The following DCDC2C variants were observed in gnomAD, a reference collection of about 807,000 sequenced individuals.
DCDC2C encodes the protein doublecortin domain containing 2C.
A neutral mutation model predicts 45.0 loss-of-function variants in DCDC2C; 44 were observed. The ratio of observed to expected loss-of-function variants is 0.98; its 90% CI spans 0.77 to 1.26. The LOEUF is 1.26. DCDC2C is among the 50% of genes most tolerant of loss of function. The pLI is 0.00. For missense variants in DCDC2C, 447 were observed against 468.9 expected (o/e 0.95, Z 0.43); for synonymous variants, 187 against 178.8 (o/e 1.05, Z -0.37).
intron 10 of DCDC2C, among the ~76,000 whole-genome samples, chr2:3,829,542 G>A (rs770259655): frequency 5.3e-5 from 8 of 152,192 alleles, no homozygotes; most frequent in Admixed American, 2.0e-4. Flanking sequence ...CATCCTGGTC[G>A]TGCTGCGCGG....
rs1558249632 is a variant in DCDC2C at position 3,837,622 on chromosome 2, A to ACACAGTATCAAGAG, written c.1066-9532_1066-9531insCACAGTATCAAGAG. Among the ~76,000 whole-genome samples the ACACAGTATCAAGAG allele has an allele frequency of 3.2e-5, 4 of 124,482 alleles. 2 individuals carry two copies. Among genetic ancestry groups the ACACAGTATCAAGAG allele is most frequent in the Non-Finnish European group, 7.4e-5 (4 of 53,998 alleles). 81.7% of individuals were successfully genotyped at this position (124,482 alleles called of 152,430 possible). A position where few individuals can be genotyped will look rare whatever the true frequency, so the allele number is the denominator to read the frequency against. ...TCATCTAAAGGGGAAGAAACTGAGG[A>ACACAGTATCAAGAG]AGAAATCAGCCTTTGGCTCCCCCTT... On this transcript the variant is annotated intron_variant, in intron 10 of 10. Coordinates refer to ENST00000399143, the MANE Select transcript of DCDC2C (RefSeq NM_001287444.2).
intron 8 of DCDC2C, among the ~76,000 whole-genome samples, chr2:3,772,178 G>A (rs963204291): frequency 2.6e-5 from 4 of 152,192 alleles, no homozygotes; most frequent in African/African-American, 9.7e-5. Context: ...CCTCATGAAT[G>A]CAGAGTCCTC....
At chr2:3,763,381 C>T (rs1324116854) in intron 6 of DCDC2C, among the ~76,000 whole-genome samples, 1 of 152,166 alleles carries the variant, frequency 6.6e-6, no homozygotes, top group Non-Finnish European at 1.5e-5. Flanking sequence ...TGTCACCCAG[C>T]TCAGGAGATC....
intron 3 of DCDC2C, among the ~76,000 whole-genome samples, chr2:3,730,802 T>C (rs747733478): frequency 6.6e-5 from 10 of 152,220 alleles, no homozygotes; most frequent in Non-Finnish European, 1.3e-4. Context: ...ATTCTGCATT[T>C]ATGAGAAAGT....
chr2:3,799,865 G>A (rs1671066042), intron 10 of DCDC2C, among the ~76,000 whole-genome samples: 1 of 152,262 alleles, frequency 6.6e-6, no homozygotes, highest in Non-Finnish European at 1.5e-5. Flanking sequence ...GCAGAGGCAG[G>A]CAGGCCTCCT....
intron 2 of DCDC2C, among the ~76,000 whole-genome samples, chr2:3,725,696 C>CGGAGGG (rs1668645095): frequency 6.7e-6 from 1 of 149,224 alleles, no homozygotes; most frequent in Non-Finnish European, 1.5e-5. Flanking sequence ...AGGTGGATCC[C>CGGAGGG]AGAGGGAGAT....
At chr2:3,756,140 A>G (rs1669709207) in intron 6 of DCDC2C, among the ~76,000 whole-genome samples, 1 of 152,058 alleles carries the variant, frequency 6.6e-6, no homozygotes, top group Non-Finnish European at 1.5e-5. Context: ...ATGAGGAATA[A>G]TGACAAGGAG....
chr2:3,825,347 C>T (rs188076960), intron 10 of DCDC2C, among the ~76,000 whole-genome samples: 11 of 152,308 alleles, frequency 7.2e-5, no homozygotes, highest in Non-Finnish European at 1.5e-4. Context: ...AAGCCAGGCT[C>T]GAATCCTGTG....
Position 3,812,159 on chromosome 2 carries a change from C to T in DCDC2C, c.1065+27059C>T, listed in dbSNP as rs370377705. 6.0e-5 allele frequency among the ~76,000 whole-genome samples: 9 copies of T among 151,196 alleles called. No individual in the cohort carries two copies. The East Asian group carries it at 1.2e-3, about 20-fold the overall frequency. On this transcript the variant is annotated intron_variant, in intron 10 of 10. Transcript: ENST00000399143. ...GTAGTTTCAGAAAGAATGGTACCAG[C>T]TCCTCTTTGTATTTCTGGTTGAATT...
chr2:3,730,175 GCA>G (rs774332504), intron 3 of DCDC2C, among the ~76,000 whole-genome samples: 4 of 152,166 alleles, frequency 2.6e-5, no homozygotes, highest in Non-Finnish European at 5.9e-5. Context: ...CAGAGGCCAG[GCA>G]CAGTCGCTCA....
rs990046394 is a variant in DCDC2C, at chr2:3,741,773, C to A, written c.417-147C>A. On this transcript the variant is annotated intron_variant, in intron 3 of 10. Transcript: ENST00000399143. ...GACATTCTGTACAGCTTGATAAGGT[C>A]CCCAATAAGACATAGTATGAAGTAT... 27 of 834,266 alleles carry A rather than the reference C, an allele frequency of 3.2e-5. No homozygotes were observed. The African/African-American group carries it at 3.7e-4, about 11-fold the overall frequency. 51.7% of individuals were successfully genotyped at this position (834,266 alleles called of 1,614,324 possible). A position where few individuals can be genotyped will look rare whatever the true frequency, so the allele number is the denominator to read the frequency against.
chr2:3,764,689 C>T (rs550637768), intron 6 of DCDC2C, among the ~76,000 whole-genome samples: 8 of 152,258 alleles, frequency 5.3e-5, no homozygotes, highest in South Asian at 2.1e-4. Flanking sequence ...TAATACATAG[C>T]CAACTCTAGA....
chr2:3,720,834 G>C (rs551255376), intron 2 of DCDC2C, among the ~76,000 whole-genome samples: 1 of 152,140 alleles, frequency 6.6e-6, no homozygotes, highest in East Asian at 1.9e-4. Flanking sequence ...GTCTAGAATT[G>C]GTATTGTTTC....
chr2:3,847,300 C>A lies in DCDC2C; in HGVS notation c.*117C>A. 1.5e-6 allele frequency: 1 copy of A among 657,600 alleles called. No homozygotes were observed. Among genetic ancestry groups the A allele is most frequent in the Non-Finnish European group, 2.2e-6 (1 of 464,262 alleles). 40.7% of individuals were successfully genotyped at this position (657,600 alleles called of 1,614,324 possible). Reference sequence around the variant, plus strand: ...CATGTGGGGTGAAACTAAAGCCCCACACAGTGGTGTCTTCTCGAAAGCCAA... The same window carrying A: ...CATGTGGGGTGAAACTAAAGCCCCAAACAGTGGTGTCTTCTCGAAAGCCAA... On this transcript the variant is annotated 3_prime_UTR_variant, in exon 11 of 11. Coordinates refer to ENST00000399143, the MANE Select transcript of DCDC2C (RefSeq NM_001287444.2).
At chr2:3,767,418 A>C (rs537950657) in intron 6 of DCDC2C, among the ~76,000 whole-genome samples, 3 of 152,332 alleles carry the variant, frequency 2.0e-5, no homozygotes, top group African/African-American at 4.8e-5. Flanking sequence ...AAAAAACCAG[A>C]GGCGCCTCCT....
At chr2:3,732,263 C>T (rs905905308) in intron 3 of DCDC2C, among the ~76,000 whole-genome samples, 8 of 151,930 alleles carry the variant, frequency 5.3e-5, no homozygotes, top group Non-Finnish European at 2.9e-5. Flanking sequence ...TCCATGATCT[C>T]GGAGAGAAGC....
chr2:3,780,638 C>G (rs904603540), intron 9 of DCDC2C, among the ~76,000 whole-genome samples: 3 of 152,154 alleles, frequency 2.0e-5, no homozygotes, highest in Admixed American at 6.6e-5. Flanking sequence ...GGAGACAGGA[C>G]AGGGAGGGCT....
chr2:3,748,522 A>C (rs1669440727), intron 4 of DCDC2C, among the ~76,000 whole-genome samples: 1 of 151,992 alleles, frequency 6.6e-6, no homozygotes, highest in East Asian at 1.9e-4. Context: ...TGGGGGAGTT[A>C]AGAATTAATT....
intron 10 of DCDC2C, among the ~76,000 whole-genome samples, chr2:3,803,434 A>G (rs992128981): frequency 1.3e-5 from 2 of 152,086 alleles, no homozygotes; most frequent in African/African-American, 4.8e-5. Context: ...TCACTGCTTC[A>G]CTTTGTGGGT....
Sources: gnomAD v4.1 joint callset for allele counts (sites outside exome capture counted in the v4.1 genomes callset) on GRCh38, gnomAD v4.1.1 for gene constraint, MANE v1.5 for transcripts, NCBI Gene and HGNC (gene_info 2026-07-23, HGNC 2026-07-21) for gene names.